Variants in UNC80 observed in about 807,000 individuals in gnomAD.
UNC80 encodes the protein protein unc-80 homolog.
Under a neutral mutation model 384.6 loss-of-function variants are expected in UNC80, and 164 were observed. The observed-to-expected ratio is 0.43, with a 90% CI of 0.38 to 0.49. The LOEUF is 0.49. UNC80 is among the 20% of genes least tolerant of loss of function. The pLI, the probability that UNC80 is intolerant of heterozygous loss-of-function variation, is 0.00. For synonymous variants in UNC80, 1,486 were observed against 1,527.8 expected (o/e 0.97, Z 0.64); for missense variants, 3,330 against 4,143.0 (o/e 0.80, Z 5.39).
At chr2:209,931,418 G>A (rs865854005) in intron 38 of UNC80, among the ~76,000 whole-genome samples, 1 of 70,998 alleles carries the variant, frequency 1.4e-5, no homozygotes, top group African/African-American at 4.2e-5. Context: ...CACACACACA[G>A]ATGCAACTGT....
chr2:209,817,786 T>C (rs2079849910), intron 10 of UNC80, 26 bp from the exon 11 acceptor site: 1 of 1,551,440 alleles, frequency 6.4e-7, no homozygotes, highest in East Asian at 2.4e-5. Context: ...TAAAACCCTC[T>C]TGTGGGGTGC....
chr2:209,909,455 G>T (rs138878964), intron 29 of UNC80, among the ~76,000 whole-genome samples: 1 of 152,068 alleles, frequency 6.6e-6, no homozygotes, highest in African/African-American at 2.4e-5. Context: ...GCTTCTTTCC[G>T]CATCATCTCC....
intron 24 of UNC80, among the ~76,000 whole-genome samples, 155 bp downstream of exon 24, chr2:209,878,244 A>G (rs1046981010): frequency 2.1e-4 from 32 of 152,182 alleles, no homozygotes; most frequent in African/African-American, 7.2e-4. Flanking sequence ...GGTGTAAAGC[A>G]TGTGCATAAA....
rs761529609 is a variant in UNC80 at position 209,941,420 on chromosome 2, C to T, written c.6846C>T (p.Asn2282=). 29 of 1,548,442 alleles carry T rather than the reference C, an allele frequency of 1.9e-5. No individual in the cohort carries two copies. The South Asian group carries it at 3.5e-4, about 18-fold the overall frequency. The part of the protein sequence containing the change: ...LLRQYAATVI[N]TAVHFNHLFS... ...GGCAGTATGCTGCCACCGTCATCAA[C>T]ACCGCGGTGCACTTCAACCACCTCT... The change falls in exon 44 of 65, where the codon AAC becomes AAT. Residue 2282 remains asparagine (N), a synonymous_variant. Transcript: ENST00000673920.
intron 49 of UNC80, among the ~76,000 whole-genome samples, chr2:209,958,569 G>A (rs1265965613): frequency 6.6e-6 from 1 of 152,094 alleles, no homozygotes; most frequent in South Asian, 2.1e-4. Flanking sequence ...TGGTGTGATG[G>A]TTAACTTATG....
chr2:209,972,433 C>A, intron 55 of UNC80, 109 bp downstream of exon 55: 1 of 1,415,956 alleles, frequency 7.1e-7, no homozygotes, highest in Non-Finnish European at 9.5e-7. Context: ...TGAAGTCAGT[C>A]TGAATGATTT....
At chr2:209,802,532 G>T (rs184438419) in intron 7 of UNC80, among the ~76,000 whole-genome samples, 1 of 152,284 alleles carries the variant, frequency 6.6e-6, no homozygotes, top group East Asian at 1.9e-4. Flanking sequence ...CTTAGCTAAT[G>T]TACTAACAAC....
At chr2:209,908,153 C>A (rs1369722587) in intron 29 of UNC80, among the ~76,000 whole-genome samples, 1 of 152,174 alleles carries the variant, frequency 6.6e-6, no homozygotes, top group Non-Finnish European at 1.5e-5. Context: ...GAACAGTGCC[C>A]ACATTTCCAG....
intron 54 of UNC80, among the ~76,000 whole-genome samples, chr2:209,971,257 T>G (rs1174017424): frequency 1.3e-5 from 2 of 152,170 alleles, no homozygotes; most frequent in Non-Finnish European, 2.9e-5. Flanking sequence ...AGCTCACAAT[T>G]GTTAATTAAA....
At chr2:209,994,687 T>A (rs2125035378) in intron 64 of UNC80, among the ~76,000 whole-genome samples, 1 of 152,296 alleles carries the variant, frequency 6.6e-6, no homozygotes, top group Non-Finnish European at 1.5e-5. Flanking sequence ...ATTTTTGGAT[T>A]AAGGATGCTC....
At chr2:209,849,309 G>A in intron 21 of UNC80, 142 bp from the exon 22 acceptor site, 1 of 804,118 alleles carries the variant, frequency 1.2e-6, no homozygotes, top group East Asian at 2.7e-5. Context: ...TTAGGGTGGA[G>A]AGCAAGGAAG....
intron 2 of UNC80, 117 bp from the exon 3 acceptor site, chr2:209,775,772 T>C (rs2076827694): frequency 4.9e-6 from 5 of 1,019,864 alleles, no homozygotes; most frequent in Non-Finnish European, 5.6e-6. Context: ...AATTTGCATC[T>C]TTTAAGGGGT....
intron 29 of UNC80, among the ~76,000 whole-genome samples, chr2:209,908,244 A>G (rs1430677561): frequency 6.6e-6 from 1 of 152,224 alleles, no homozygotes; most frequent in East Asian, 1.9e-4. Context: ...TGAGCAATTG[A>G]TATTTCATTC....
At position 209,959,652 on chromosome 2, in the gene UNC80, G is replaced by T; in HGVS notation, c.7750G>T (p.Ala2584Ser). The change falls in exon 51 of 65, where the codon GCT (alanine) becomes TCT (serine). Residue 2584 changes from alanine (A) to serine (S), a missense_variant. Physicochemically the swap from Ala to Ser is moderately conservative, Grantham distance 99. This residue lies in a region of UNC80 where 1,049 missense variants were observed against 1,488.6 expected (regional missense o/e 0.70). Coordinates refer to ENST00000673920, the MANE Select transcript of UNC80 (RefSeq NM_001371986.1). The part of the protein sequence containing the change: ...GPRLKILQNL[A>S]GEPRVIALEL... ...ACGGCTGAAGATCTTGCAAAATCTGGCTGGGGAGCCTCGGGTCATTGCCTT... is the reference window on the plus strand; with the variant it reads ...ACGGCTGAAGATCTTGCAAAATCTGTCTGGGGAGCCTCGGGTCATTGCCTT... The T allele has an allele frequency of 6.4e-7, 1 of 1,551,674 alleles. No homozygotes were observed. The highest frequency in any genetic ancestry group is 1.4e-5 in the African/African-American group (1 of 73,134).
In UNC80 at chr2:209,896,335, C is replaced by T. The variant is rs759786360; in HGVS notation, c.4503C>T (p.Ser1501=). 1.5e-5 allele frequency: 23 copies of T among 1,551,618 alleles called. No homozygotes were observed. Among genetic ancestry groups the T allele is most frequent in the Non-Finnish European group, 2.0e-5 (23 of 1,146,942 alleles). ...AAGAAGGGAGTCCTTGGAGTGCAAG[C>T]GAGCCCAGCATTGAGCCAGAGGGAA... is the stretch of plus-strand genomic sequence containing the variant. ...TDLEGSPWSA[S]EPSIEPEGMS... is the part of the protein sequence containing the mutation. Residue 1501 remains serine, a synonymous_variant, in exon 28 of 65, where the codon AGC becomes AGT. Coordinates refer to ENST00000673920, the MANE Select transcript of UNC80 (RefSeq NM_001371986.1).
chr2:209,922,175 G>A, intron 34 of UNC80, 77 bp from the exon 35 acceptor site: 1 of 1,489,706 alleles, frequency 6.7e-7, no homozygotes, highest in Middle Eastern at 1.7e-4. Flanking sequence ...GTATGCATTT[G>A]TGATACAACA....
At chr2:209,801,461 C>T (rs563259491) in intron 7 of UNC80, among the ~76,000 whole-genome samples, 29 of 136,242 alleles carry the variant, frequency 2.1e-4, no homozygotes, top group African/African-American at 7.8e-4. Flanking sequence ...CGGCTCACTG[C>T]AATCTCTGCC....
At chr2:209,910,649 CTTT>C (rs540625562) in intron 29 of UNC80, among the ~76,000 whole-genome samples, 11 of 104,338 alleles carry the variant, frequency 1.1e-4, no homozygotes, top group African/African-American at 2.9e-4. Flanking sequence ...AAATGCTCAT[CTTT>C]TTTTTTTTTT....
chr2:209,948,558 A>G (rs2092014657), intron 47 of UNC80, among the ~76,000 whole-genome samples: 1 of 152,118 alleles, frequency 6.6e-6, no homozygotes, highest in South Asian at 2.1e-4. Context: ...GTGATTTCTT[A>G]GTGTTTTCTA....
Sources: gnomAD v4.1 joint callset for allele counts (sites outside exome capture counted in the v4.1 genomes callset) on GRCh38, gnomAD v4.1.1 for gene constraint, gnomAD v4.1.1 regional missense constraint, MANE v1.5 for transcripts, NCBI Gene and HGNC (gene_info 2026-07-23, HGNC 2026-07-21) for gene names.